The following BIN3 variants were observed in gnomAD, a reference collection of about 807,000 sequenced individuals.
BIN3 encodes the protein bridging integrator 3.
In BIN3, 41 loss-of-function variants were observed where a neutral mutation model predicts 38.2. That is an observed-to-expected ratio of 1.07 (90% CI 0.84 to 1.39). The LOEUF is 1.39. Ranked by LOEUF, BIN3 falls within the 40% of genes most tolerant of loss-of-function variation. The probability of loss-of-function intolerance (pLI) is 0.00; values close to 1 mark genes in which losing one functional copy is unlikely to be tolerated. For missense variants in BIN3, 361 were observed against 324.3 expected, an observed-to-expected ratio of 1.11 and a Z score of -0.87; for synonymous variants, 145 against 122.6, an observed-to-expected ratio of 1.18 and a Z score of -1.21.
chr8:22,630,568 T>G lies in BIN3; in HGVS notation c.171A>C (p.Lys57Asn), dbSNP rs1262750292. 6.2e-7 allele frequency: 1 copy of G among 1,613,756 alleles called. No individual in the cohort carries two copies. Among genetic ancestry groups the G allele is most frequent in the African/African-American group, 1.3e-5 (1 of 74,924 alleles). ...AGTCCAAGGATATCTTCACGGCAGA[T>G]TTTGACATGGCTGTGGGAAGCCAAA... Reference protein sequence around the residue: ...KSTDADLAMSKSAVKISLDLL... With the variant: ...KSTDADLAMSNSAVKISLDLL... The change falls in exon 5 of 9, where the codon AAA becomes AAC. Residue 57 changes from lysine (K) to asparagine (N), a missense_variant. By Grantham distance (94) the Lys-to-Asn change is moderately conservative. Coordinates refer to ENST00000276416, the MANE Select transcript of BIN3 (RefSeq NM_018688.6).
intron 1 of BIN3, among the ~76,000 whole-genome samples, chr8:22,650,341 T>G (rs1802852157): frequency 6.6e-6 from 1 of 152,268 alleles, no homozygotes; most frequent in Admixed American, 6.5e-5. Context: ...ATTTTTTTCT[T>G]GGATTAGTGT....
At position 22,630,257 on chromosome 8, in the gene BIN3, T is replaced by G. The variant is rs2117516314; in HGVS notation, c.297+185A>C. Among the ~76,000 whole-genome samples the G allele has an allele frequency of 2.0e-5, 3 of 152,176 alleles. No homozygotes were observed. The South Asian group carries it at 6.2e-4, about 32-fold the overall frequency. ...AGCTCGTGGAGCCTCAGGAGGCAGG[T>G]AGAGCCAAGGCAGAACAGTCTGGAA... On this transcript the variant is annotated intron_variant, in intron 5 of 8. Transcript: ENST00000276416.
chr8:22,637,649 G>A (rs1176532944), intron 2 of BIN3, among the ~76,000 whole-genome samples: 1 of 152,224 alleles, frequency 6.6e-6, no homozygotes, highest in Non-Finnish European at 1.5e-5. Context: ...AAGTTAAGAA[G>A]TCTAGTACTT....
At position 22,661,328 on chromosome 8, in the gene BIN3, T is replaced by C. The variant is rs143019492; in HGVS notation, c.8+7716A>G. Reference sequence around the variant, plus strand: ...CTTATAGGTCTAATGTTTACATAAATAGTACAATGTTGAATGTATCATTCT... The same window carrying C: ...CTTATAGGTCTAATGTTTACATAAACAGTACAATGTTGAATGTATCATTCT... On this transcript the variant is annotated intron_variant, in intron 1 of 8. Coordinates refer to ENST00000276416, the MANE Select transcript of BIN3 (RefSeq NM_018688.6). Among the ~76,000 whole-genome samples, 429 of 148,012 alleles carry C rather than the reference T, an allele frequency of 2.9e-3. 5 individuals are homozygous for C. Among genetic ancestry groups the C allele is most frequent in the African/African-American group, 0.01 (411 of 40,392 alleles).
intron 6 of BIN3, among the ~76,000 whole-genome samples, chr8:22,629,491 G>T (rs1482180396): frequency 6.6e-6 from 1 of 152,234 alleles, no homozygotes; most frequent in Non-Finnish European, 1.5e-5. Flanking sequence ...TCCCGGGCCA[G>T]ACCCCGCTGC....
rs1372210190 is a variant in BIN3, at chr8:22,644,690, G to T, written c.57+65C>A. The T allele has an allele frequency of 4.0e-6, 6 of 1,482,814 alleles. No individual in the cohort carries two copies. In the African/African-American group the frequency reaches 6.0e-5, roughly 15 times the overall value. The allele number at this position is 1,482,814 out of a possible 1,614,324, so 91.9% of individuals were successfully genotyped here. A position where few individuals can be genotyped will look rare whatever the true frequency, so the allele number is the denominator to read the frequency against. On this transcript the variant is annotated intron_variant, in intron 2 of 8. Coordinates refer to ENST00000276416, the MANE Select transcript of BIN3 (RefSeq NM_018688.6). ...CCAAGATGTGTTGATTCAAAGCTTT[G>T]ATTCTTATGCAAAGGCCATGTGATA...
Position 22,623,798 on chromosome 8 carries a change from T to G in BIN3, c.615+117A>C. The G allele has an allele frequency of 3.8e-6, 5 of 1,311,640 alleles. No individual in the cohort carries two copies. The Admixed American group carries it at 7.6e-5, about 20-fold the overall frequency. The allele number at this position is 1,311,640 out of a possible 1,614,324, so 81.3% of individuals were successfully genotyped here. A position where few individuals can be genotyped will look rare whatever the true frequency, so the allele number is the denominator to read the frequency against. ...GAATGAATTCCTTCAGGGCTTTGCCTGGGGTGGGTGCCCTGTCTTTACGGA... is the reference window on the plus strand; with the variant it reads ...GAATGAATTCCTTCAGGGCTTTGCCGGGGGTGGGTGCCCTGTCTTTACGGA... On this transcript the variant is annotated intron_variant, in intron 8 of 8. Coordinates refer to ENST00000276416, the MANE Select transcript of BIN3 (RefSeq NM_018688.6).
rs576405507 is a variant in BIN3, at chr8:22,641,950, C to T, written c.57+2805G>A. On this transcript the variant is annotated intron_variant, in intron 2 of 8. Coordinates refer to ENST00000276416, the MANE Select transcript of BIN3 (RefSeq NM_018688.6). ...AGGGGACTGGGTGGAAGGTTAGGAT[C>T]GGGATCGGGGGAGCTTTTGTTCCTC... Among the ~76,000 whole-genome samples the T allele has an allele frequency of 7.9e-5, 12 of 151,988 alleles. No homozygotes were observed. In the South Asian group the frequency reaches 1.2e-3, roughly 16 times the overall value.
intron 8 of BIN3, 73 bp from the exon 9 acceptor site, chr8:22,621,641 A>T (rs1057465673): frequency 6.9e-6 from 10 of 1,454,466 alleles, no homozygotes; most frequent in Non-Finnish European, 8.6e-6. Flanking sequence ...AGAGGCTCAC[A>T]CTTCTCTGCT....
At chr8:22,662,226 T>C (rs1803260275) in intron 1 of BIN3, among the ~76,000 whole-genome samples, 1 of 152,228 alleles carries the variant, frequency 6.6e-6, no homozygotes. Context: ...GGAGTTTCTC[T>C]AGGGTAGGGG....
chr8:22,636,248 A>G (rs17088502), intron 4 of BIN3, among the ~76,000 whole-genome samples: 2,718 of 152,314 alleles, frequency 0.018, 80 homozygotes, highest in African/African-American at 0.06. Context: ...CAATGGAGGC[A>G]TCTGCTACCA....
At position 22,630,524 on chromosome 8, in the gene BIN3, C is replaced by T. The variant is rs1312638702; in HGVS notation, c.215G>A (p.Cys72Tyr). Residue 72 changes from cysteine to tyrosine, a missense_variant, in exon 5 of 9, where the codon TGT (cysteine) becomes TAT (tyrosine). Coordinates refer to ENST00000276416, the MANE Select transcript of BIN3 (RefSeq NM_018688.6). Reference sequence around the variant, plus strand: ...GTTCAGAAGGTCCTGGTCTTGCTCACAGAGGGGATTGGAGAGTAAGTCCAA... The same window carrying T: ...GTTCAGAAGGTCCTGGTCTTGCTCATAGAGGGGATTGGAGAGTAAGTCCAA... ...ISLDLLSNPL[C>Y]EQDQDLLNMV... 12 of 1,614,048 alleles carry T rather than the reference C, an allele frequency of 7.4e-6. No individual in the cohort carries two copies. The highest frequency in any genetic ancestry group is 1.0e-5 in the Non-Finnish European group (12 of 1,179,902).
intron 4 of BIN3, among the ~76,000 whole-genome samples, chr8:22,633,023 CCTTT>C (rs1277919373): frequency 6.6e-6 from 1 of 152,166 alleles, no homozygotes; most frequent in African/African-American, 2.4e-5. Context: ...TGCATTTTCC[CCTTT>C]CTTTCCTAAA....
chr8:22,658,334 T>C (rs371300087), intron 1 of BIN3, among the ~76,000 whole-genome samples: 1 of 152,162 alleles, frequency 6.6e-6, no homozygotes, highest in Non-Finnish European at 1.5e-5. Flanking sequence ...TCTTTCATAA[T>C]AAAGAAAAAG....
At chr8:22,668,795 G>C (rs781474941) in intron 1 of BIN3, among the ~76,000 whole-genome samples, 1 of 152,200 alleles carries the variant, frequency 6.6e-6, no homozygotes, top group South Asian at 2.1e-4. Context: ...ACGCGAGTCC[G>C]GCAAAACGGG....
chr8:22,647,512 G>A (rs1400056870), intron 1 of BIN3, among the ~76,000 whole-genome samples: 1 of 152,190 alleles, frequency 6.6e-6, no homozygotes, highest in Non-Finnish European at 1.5e-5. Context: ...GCTACCCACA[G>A]TTCAATACTC....
At chr8:22,650,792 C>G (rs1024019713) in intron 1 of BIN3, among the ~76,000 whole-genome samples, 2 of 152,122 alleles carry the variant, frequency 1.3e-5, no homozygotes, top group African/African-American at 4.8e-5. Context: ...CTTTTTACTT[C>G]GGAAGATGAA....
intron 1 of BIN3, among the ~76,000 whole-genome samples, chr8:22,659,606 A>G (rs1170268124): frequency 1.3e-5 from 2 of 152,190 alleles, no homozygotes; most frequent in Non-Finnish European, 2.9e-5. Flanking sequence ...CACTGCTGAT[A>G]CATCCGTTTA....
intron 4 of BIN3, chr8:22,634,366 C>T (rs2117528736): frequency 2.5e-6 from 1 of 402,386 alleles, no homozygotes; most frequent in East Asian, 7.2e-5. Flanking sequence ...AAATTCATGG[C>T]ACAGACCAAG....
Sources: gnomAD v4.1 joint callset for allele counts (sites outside exome capture counted in the v4.1 genomes callset) on GRCh38, gnomAD v4.1.1 for gene constraint, MANE v1.5 for transcripts, NCBI Gene and HGNC (gene_info 2026-07-23, HGNC 2026-07-21) for gene names.